Variants in TENM3 observed in about 807,000 individuals in gnomAD.
The protein encoded by TENM3 is teneurin-3.
A neutral mutation model predicts 255.1 loss-of-function variants in TENM3; 63 were observed. That is an observed-to-expected ratio of 0.25 (90% CI 0.20 to 0.30). The LOEUF (loss-of-function observed/expected upper bound fraction) is 0.30. Among genes scored for constraint, TENM3 ranks in the 10% least tolerant of loss-of-function variants. The pLI is 1.00. For missense variants in TENM3, 2,929 were observed against 3,461.1 expected (o/e 0.85, Z 3.86); for synonymous variants, 1,306 against 1,322.3 (o/e 0.99, Z 0.27).
the TENM3 span, among the ~76,000 whole-genome samples, chr4:181,955,504 C>A: frequency 7.6e-4 from 116 of 152,260 alleles, 1 homozygote; most frequent in South Asian, 0.019. Flanking sequence ...CTCTTACCAG[C>A]CAGAGAGAGC....
At chr4:182,629,078 A>G (rs1276745172) in intron 5 of TENM3, among the ~76,000 whole-genome samples, 189 bp downstream of exon 5, 1 of 152,190 alleles carries the variant, frequency 6.6e-6, no homozygotes, top group Non-Finnish European at 1.5e-5. Flanking sequence ...TACATAGAAA[A>G]GCAGGTTTTG....
intron 5 of TENM3, among the ~76,000 whole-genome samples, chr4:182,634,321 A>T (rs1751657005): frequency 6.7e-6 from 1 of 150,052 alleles, no homozygotes; most frequent in Admixed American, 6.6e-5. Flanking sequence ...CCTGTTAGAA[A>T]AGTAGCCATA....
In TENM3 at chr4:182,161,848, CACAA is replaced by C. The variant is rs1561153867; in HGVS notation, c.-76+17096_-76+17099del. 1.6e-4 allele frequency among the ~76,000 whole-genome samples: 8 copies of C among 51,304 alleles called. 1 individual carries two copies. The highest frequency in any genetic ancestry group is 8.4e-4 in the East Asian group (1 of 1,190). 33.7% of individuals were successfully genotyped at this position (51,304 alleles called of 152,430 possible). ...ATACACATATATATGTGTATATATA[CACAA>C]ATATATATGTGTATATATGTGTATA... On this transcript the variant is annotated intron_variant, in intron 1 of 2. Coordinates refer to the TENM3 transcript ENST00000512480.
chr4:181,861,205 T>C, the TENM3 span, among the ~76,000 whole-genome samples: 3,429 of 152,284 alleles, frequency 0.023, 150 homozygotes, highest in African/African-American at 0.078. Flanking sequence ...AAGACCTGGC[T>C]CACCTTTTAA....
At chr4:181,754,667 A>C in the TENM3 span, among the ~76,000 whole-genome samples, 18 of 152,014 alleles carry the variant, frequency 1.2e-4, no homozygotes, top group Non-Finnish European at 1.5e-5. Flanking sequence ...TGTGATTGGG[A>C]GGTGATTATA....
chr4:181,846,064 C>T, the TENM3 span, among the ~76,000 whole-genome samples: 1 of 152,160 alleles, frequency 6.6e-6, no homozygotes, highest in East Asian at 1.9e-4. Flanking sequence ...GTGCTGTTTA[C>T]TTGTAGGCAT....
chr4:181,907,077 G>T, the TENM3 span, among the ~76,000 whole-genome samples: 1 of 152,002 alleles, frequency 6.6e-6, no homozygotes, highest in African/African-American at 2.4e-5. Flanking sequence ...GTAAAGTTGG[G>T]GTTTCACCAT....
chr4:181,910,637 T>C, the TENM3 span, among the ~76,000 whole-genome samples: 888 of 150,018 alleles, frequency 5.9e-3, 10 homozygotes, highest in African/African-American at 0.021. Context: ...TGTATGTGTG[T>C]GTGTGTGTGT....
At chr4:181,494,231 G>A in the TENM3 span, among the ~76,000 whole-genome samples, 1 of 152,194 alleles carries the variant, frequency 6.6e-6, no homozygotes, top group Non-Finnish European at 1.5e-5. Flanking sequence ...TCACTTAACT[G>A]TTATATACAC....
chr4:181,641,825 T>C, the TENM3 span, among the ~76,000 whole-genome samples: 3 of 121,468 alleles, frequency 2.5e-5, no homozygotes, highest in Non-Finnish European at 5.1e-5. Context: ...TATATATATA[T>C]ATATATATAT....
At chr4:181,693,560 A>C in the TENM3 span, among the ~76,000 whole-genome samples, 2 of 152,112 alleles carry the variant, frequency 1.3e-5, no homozygotes, top group African/African-American at 4.8e-5. Context: ...GGCGCAGTGA[A>C]TTATTTTTGC....
intron 16 of TENM3, among the ~76,000 whole-genome samples, chr4:182,733,213 A>G (rs997601057): frequency 6.6e-6 from 1 of 152,250 alleles, no homozygotes; most frequent in African/African-American, 2.4e-5. Context: ...ATAAGCCCTG[A>G]AAATAGAAGG....
chr4:182,177,432 A>C (rs1229439866), intron 1 of TENM3, among the ~76,000 whole-genome samples: 1 of 152,002 alleles, frequency 6.6e-6, no homozygotes, highest in Non-Finnish European at 1.5e-5. Context: ...CCCTGGCTCT[A>C]CCCGCTGCCC....
At chr4:182,779,211 C>A (rs192401820) in intron 24 of TENM3, among the ~76,000 whole-genome samples, 2,408 of 151,814 alleles carry the variant, frequency 0.016, 54 homozygotes, top group African/African-American at 0.055. Context: ...TCCCCGCTCC[C>A]CCCACCCCAC....
chr4:182,387,390 T>C (rs1468283283), intron 3 of TENM3, among the ~76,000 whole-genome samples: 1 of 152,124 alleles, frequency 6.6e-6, no homozygotes, highest in Non-Finnish European at 1.5e-5. Flanking sequence ...GGAGAACTTT[T>C]GTATCTAGCT....
the TENM3 span, among the ~76,000 whole-genome samples, chr4:181,957,611 A>G: frequency 6.6e-6 from 1 of 152,200 alleles, no homozygotes; most frequent in Non-Finnish European, 1.5e-5. Flanking sequence ...AACATTTATC[A>G]TTGCTGTGAA....
At chr4:181,558,669 CAATAGTCCATGTTCTGT>C in the TENM3 span, among the ~76,000 whole-genome samples, 1 of 152,264 alleles carries the variant, frequency 6.6e-6, no homozygotes, top group South Asian at 2.1e-4. Context: ...CAACGTTTAT[CAATAGTCCATGTTCTGT>C]AATAACAGGG....
chr4:182,339,023 T>G (rs2150603036), intron 2 of TENM3, among the ~76,000 whole-genome samples: 1 of 152,236 alleles, frequency 6.6e-6, no homozygotes, highest in South Asian at 2.1e-4. Context: ...GACCCCAAAC[T>G]TTTCATTTCC....
chr4:182,094,129 C>T, the TENM3 span, among the ~76,000 whole-genome samples: 1 of 152,048 alleles, frequency 6.6e-6, no homozygotes, highest in African/African-American at 2.4e-5. Flanking sequence ...AGTAAGAGGG[C>T]TTGAAGAGAG....
Sources: allele counts gnomAD v4.1 joint callset (sites outside exome capture counted in the v4.1 genomes callset), GRCh38; gene constraint gnomAD v4.1.1; transcripts MANE v1.5; gene names NCBI Gene and HGNC (gene_info 2026-07-23, HGNC 2026-07-21).